TSHZ2: variants seen among roughly 807,000 people sequenced by gnomAD.
The protein encoded by TSHZ2 is teashirt zinc finger homeobox 2.
A neutral mutation model predicts 74.4 loss-of-function variants in TSHZ2; 21 were observed. That is an observed-to-expected ratio of 0.28 (90% confidence interval 0.20 to 0.41). The LOEUF (loss-of-function observed/expected upper bound fraction) is 0.41, where lower values mean the gene tolerates loss of function less well. TSHZ2 is among the 10% of genes least tolerant of loss of function. The pLI is 1.00. For synonymous variants in TSHZ2, 540 were observed against 515.3 expected, an observed-to-expected ratio of 1.05 and a Z score of -0.65; for missense variants, 1,244 against 1,293.5, an observed-to-expected ratio of 0.96 and a Z score of 0.59.
chr20:53,080,850 G>A (rs1399903213), intron 1 of TSHZ2, among the ~76,000 whole-genome samples: 1 of 152,174 alleles, frequency 6.6e-6, no homozygotes, highest in Non-Finnish European at 1.5e-5. Flanking sequence ...GAGATGAACA[G>A]CCTAAGTCCA....
In TSHZ2 at chr20:53,152,005, G is replaced by A. The variant is rs1332600462; in HGVS notation, c.41-101494G>A. Among the ~76,000 whole-genome samples the A allele has an allele frequency of 5.9e-5, 9 of 152,118 alleles. No individual in the cohort carries two copies. In the South Asian group the frequency reaches 1.7e-3, roughly 28 times the overall value. On this transcript the variant is annotated intron_variant, in intron 1 of 2. Coordinates refer to ENST00000371497, the MANE Select transcript of TSHZ2 (RefSeq NM_173485.6). The stretch of plus-strand genomic sequence containing the variant: ...CTCTTCTGTTTAGAACTGAACTCGA[G>A]GGCAAGGTTGCTGTAAAATGGGAAG...
In TSHZ2 at chr20:53,361,254, T is replaced by C. The variant is rs550800008; in HGVS notation, c.*8+104683T>C. ...AGGATCTTTGAATTTAGATGCTGGGTCAAGAAAGAATGACACTTTTGCAGG... is the reference window on the plus strand; with the variant it reads ...AGGATCTTTGAATTTAGATGCTGGGCCAAGAAAGAATGACACTTTTGCAGG... On this transcript the variant is annotated intron_variant, in intron 2 of 2. Coordinates refer to ENST00000371497, the MANE Select transcript of TSHZ2 (RefSeq NM_173485.6). 1.2e-4 allele frequency among the ~76,000 whole-genome samples: 18 copies of C among 152,296 alleles called. No individual in the cohort carries two copies. In the South Asian group the frequency reaches 3.7e-3, roughly 32 times the overall value.
chr20:53,301,828 C>T (rs750649396), intron 2 of TSHZ2, among the ~76,000 whole-genome samples: 1 of 152,138 alleles, frequency 6.6e-6, no homozygotes, highest in African/African-American at 2.4e-5. Context: ...TTCGTGGCAG[C>T]GCCATTTGAC....
chr20:53,253,667 C>T lies in TSHZ2; in HGVS notation c.209C>T (p.Pro70Leu), dbSNP rs1204884160. 1.9e-6 allele frequency: 3 copies of T among 1,614,036 alleles called. No individual in the cohort carries two copies. Among genetic ancestry groups the T allele is most frequent in the Admixed American group, 3.3e-5 (2 of 60,002 alleles). The change falls in exon 2 of 3, where the codon CCA becomes CTA. Residue 70 changes from proline to leucine, a missense_variant. This residue lies in a region of TSHZ2 where 470 missense variants were observed against 456.5 expected (regional missense o/e 1.03). Coordinates refer to ENST00000371497, the MANE Select transcript of TSHZ2 (RefSeq NM_173485.6). ...GGCTGCTTCAGCTACCAGAACTCTC[C>T]AGGAAGTCATTTGTCCAATCAGGAT... ...QKGCFSYQNS[P>L]GSHLSNQDAE...
At chr20:53,474,147 A>T (rs933951113) in intron 2 of TSHZ2, among the ~76,000 whole-genome samples, 6 of 149,638 alleles carry the variant, frequency 4.0e-5, no homozygotes, top group East Asian at 2.0e-4. Context: ...GATTCAGGAA[A>T]TGCAGAGAAC....
chr20:53,478,711 AAAAG>A (rs1345259648), intron 2 of TSHZ2, among the ~76,000 whole-genome samples: 7 of 152,030 alleles, frequency 4.6e-5, no homozygotes, highest in Middle Eastern at 3.4e-3. Context: ...CAGATTAAAA[AAAAG>A]AAAGAGCTCG....
At chr20:53,054,915 T>G (rs1036621539) in intron 1 of TSHZ2, among the ~76,000 whole-genome samples, 3 of 152,190 alleles carry the variant, frequency 2.0e-5, no homozygotes, top group African/African-American at 7.2e-5. Flanking sequence ...GAGGTGTTTT[T>G]GCTTAGTTCC....
chr20:53,393,901 T>G (rs892316615), intron 2 of TSHZ2, among the ~76,000 whole-genome samples: 1 of 152,216 alleles, frequency 6.6e-6, no homozygotes, highest in Non-Finnish European at 1.5e-5. Context: ...AAAACTTTTT[T>G]AAAAATTCTA....
chr20:53,300,516 C>T (rs1991459521), intron 2 of TSHZ2, among the ~76,000 whole-genome samples: 1 of 152,152 alleles, frequency 6.6e-6, no homozygotes, highest in African/African-American at 2.4e-5. Context: ...TTTCTTTCTC[C>T]TTCTTCTCTC....
intron 2 of TSHZ2, among the ~76,000 whole-genome samples, chr20:53,375,225 G>T (rs897968243): frequency 6.6e-6 from 1 of 152,160 alleles, no homozygotes; most frequent in African/African-American, 2.4e-5. Flanking sequence ...AAATTGTGAA[G>T]GTGGCCTGCA....
At chr20:53,108,887 C>T (rs558059931) in intron 1 of TSHZ2, among the ~76,000 whole-genome samples, 1 of 151,270 alleles carries the variant, frequency 6.6e-6, no homozygotes, top group Admixed American at 6.6e-5. Context: ...CAATTTCATA[C>T]CATTAATTTC....
intron 1 of TSHZ2, among the ~76,000 whole-genome samples, chr20:53,164,491 TAGA>T (rs1277910804): frequency 6.6e-6 from 1 of 152,132 alleles, no homozygotes; most frequent in Non-Finnish European, 1.5e-5. Flanking sequence ...ATTAATTAAC[TAGA>T]AGAAGTGCTG....
intron 1 of TSHZ2, among the ~76,000 whole-genome samples, chr20:53,234,347 CT>C (rs1447795362): frequency 6.6e-6 from 1 of 152,176 alleles, no homozygotes; most frequent in Non-Finnish European, 1.5e-5. Flanking sequence ...TCAACAAATA[CT>C]TTTTTGAGAA....
intron 1 of TSHZ2, among the ~76,000 whole-genome samples, chr20:53,059,662 C>T (rs1274387170): frequency 1.3e-5 from 2 of 152,242 alleles, no homozygotes; most frequent in East Asian, 3.9e-4. Flanking sequence ...GTTAAAGACC[C>T]TCCTACAGCT....
intron 2 of TSHZ2, among the ~76,000 whole-genome samples, chr20:53,311,824 G>A (rs948181476): frequency 6.6e-6 from 1 of 152,178 alleles, no homozygotes; most frequent in Non-Finnish European, 1.5e-5. Context: ...GCTCACACCT[G>A]TAATCCCAAC....
intron 1 of TSHZ2, among the ~76,000 whole-genome samples, chr20:53,061,787 T>C (rs1568741463): frequency 6.6e-6 from 1 of 152,340 alleles, no homozygotes; most frequent in South Asian, 2.1e-4. Flanking sequence ...ATGTTTTTTA[T>C]GTATGATTTA....
chr20:53,397,736 C>T (rs909550200), intron 2 of TSHZ2: 1 of 152,160 alleles, frequency 6.6e-6, no homozygotes, highest in South Asian at 2.1e-4. Flanking sequence ...CAAATGTCTA[C>T]CAATGATAGA....
intron 1 of TSHZ2, among the ~76,000 whole-genome samples, chr20:53,164,100 C>T (rs757179909): frequency 6.6e-6 from 1 of 151,974 alleles, no homozygotes; most frequent in Non-Finnish European, 1.5e-5. Context: ...ACTATAAACA[C>T]CACTGTGGTG....
chr20:53,455,478 T>G (rs1985023693), intron 2 of TSHZ2: 1 of 152,216 alleles, frequency 6.6e-6, no homozygotes, highest in Admixed American at 6.5e-5. Flanking sequence ...AAAGTTTTGC[T>G]ACTTCACCTG....
Sources: gnomAD v4.1 joint callset for allele counts (sites outside exome capture counted in the v4.1 genomes callset) on GRCh38, gnomAD v4.1.1 for gene constraint, gnomAD v4.1.1 regional missense constraint, MANE v1.5 for transcripts, NCBI Gene and HGNC (gene_info 2026-07-23, HGNC 2026-07-21) for gene names.